TCF12: variants seen among roughly 807,000 people sequenced by gnomAD.
The protein encoded by TCF12 is DNA-binding protein HTF4.
In TCF12, 45 loss-of-function variants were observed where a neutral mutation model predicts 86.0. The ratio of observed to expected loss-of-function variants is 0.52; its 90% CI spans 0.41 to 0.67. TCF12 has a LOEUF of 0.67. TCF12 is among the 30% of genes least tolerant of loss of function. The pLI, the probability that TCF12 is intolerant of heterozygous loss-of-function variation, is 0.00. For missense variants in TCF12, 881 were observed against 859.9 expected (o/e 1.02, Z -0.31); for synonymous variants, 330 against 299.6 (o/e 1.10, Z -1.05).
At chr15:56,952,871 A>G (rs762984927) in intron 3 of TCF12, among the ~76,000 whole-genome samples, 6 of 152,090 alleles carry the variant, frequency 3.9e-5, no homozygotes, top group Non-Finnish European at 8.8e-5. Flanking sequence ...GCCTGATTGT[A>G]CTTTCCAGAA....
chr15:57,278,755 C>G (rs1426233127), intron 19 of TCF12: 1 of 125,920 alleles, frequency 7.9e-6, no homozygotes. Context: ...CTCCCTCTCT[C>G]TCCCTCTCTC....
At chr15:57,172,038 T>G (rs984835715) in intron 6 of TCF12, among the ~76,000 whole-genome samples, 3 of 152,202 alleles carry the variant, frequency 2.0e-5, no homozygotes, top group African/African-American at 7.2e-5. Flanking sequence ...AAATGACAGC[T>G]TTAAAAACTG....
intron 5 of TCF12, among the ~76,000 whole-genome samples, chr15:57,161,224 A>G (rs1159790627): frequency 3.9e-5 from 6 of 152,240 alleles, no homozygotes; most frequent in Non-Finnish European, 8.8e-5. Flanking sequence ...TTCTGTAAGC[A>G]TTGAAAGGTT....
intron 3 of TCF12, among the ~76,000 whole-genome samples, chr15:56,951,117 C>G (rs2061255161): frequency 6.6e-6 from 1 of 152,140 alleles, no homozygotes; most frequent in Admixed American, 6.6e-5. Context: ...ATATCTTCAA[C>G]TCACTAAGAA....
chr15:57,248,142 C>A (rs553584586), intron 13 of TCF12: 12 of 701,280 alleles, frequency 1.7e-5, no homozygotes, highest in Admixed American at 1.2e-4. Flanking sequence ...GGATCCTTTT[C>A]CAGAAGCCTC....
intron 8 of TCF12, among the ~76,000 whole-genome samples, chr15:57,199,577 G>T (rs1408597940): frequency 6.6e-6 from 1 of 152,180 alleles, no homozygotes; most frequent in Non-Finnish European, 1.5e-5. Flanking sequence ...TCTGGAAGGA[G>T]AGTAGACACT....
chr15:57,002,794 T>TATTTA (rs1413448946), intron 3 of TCF12, among the ~76,000 whole-genome samples: 2 of 152,236 alleles, frequency 1.3e-5, no homozygotes, highest in African/African-American at 2.4e-5. Context: ...ATGGCGCTTC[T>TATTTA]CATGCTGTAC....
chr15:57,035,110 C>A (rs981334267), intron 3 of TCF12, among the ~76,000 whole-genome samples: 8 of 152,076 alleles, frequency 5.3e-5, no homozygotes, highest in African/African-American at 1.9e-4. Flanking sequence ...TTTATTCTTA[C>A]AACCCCCCAA....
At chr15:57,068,382 G>A (rs1224256148) in intron 4 of TCF12, among the ~76,000 whole-genome samples, 2 of 152,250 alleles carry the variant, frequency 1.3e-5, no homozygotes, top group South Asian at 2.1e-4. Context: ...GGATACATTT[G>A]CAAATATGCT....
At chr15:57,091,057 A>G (rs901600785) in intron 4 of TCF12, among the ~76,000 whole-genome samples, 14 of 152,250 alleles carry the variant, frequency 9.2e-5, no homozygotes, top group Admixed American at 7.9e-4. Flanking sequence ...TGTGAAAAGT[A>G]ACATTAGCTT....
At chr15:57,164,932 C>T (rs1043825457) in intron 5 of TCF12, among the ~76,000 whole-genome samples, 12 of 152,296 alleles carry the variant, frequency 7.9e-5, no homozygotes, top group South Asian at 2.1e-4. Flanking sequence ...CCGCCCGCCT[C>T]GGCCTCCCAA....
chr15:57,282,372 G>A (rs2061730181), intron 19 of TCF12, 73 bp from the exon 20 acceptor site: 4 of 1,568,900 alleles, frequency 2.5e-6, no homozygotes, highest in East Asian at 4.5e-5. Context: ...CAAAACAACA[G>A]CAATTTGTTC....
chr15:57,262,275 C>G, intron 17 of TCF12, 67 bp downstream of exon 17: 1 of 1,129,490 alleles, frequency 8.9e-7, no homozygotes, highest in South Asian at 1.4e-5. Context: ...TGTCACCTTT[C>G]TCACAGCTGG....
intron 3 of TCF12, among the ~76,000 whole-genome samples, chr15:56,986,695 C>T (rs1188899839): frequency 2.0e-5 from 3 of 152,070 alleles, no homozygotes; most frequent in Non-Finnish European, 4.4e-5. Context: ...TCCTTATATA[C>T]ACAGTATCTT....
At chr15:57,217,317 A>G (rs1163430974) in intron 8 of TCF12, among the ~76,000 whole-genome samples, 1 of 152,166 alleles carries the variant, frequency 6.6e-6, no homozygotes. Flanking sequence ...TTTGGCTTTT[A>G]CAGTGAATTT....
chr15:57,223,583 T>C (rs574304531), intron 8 of TCF12, among the ~76,000 whole-genome samples: 1 of 147,342 alleles, frequency 6.8e-6, no homozygotes, highest in Non-Finnish European at 1.5e-5. Flanking sequence ...CCTCTTCTAA[T>C]AGAATTAATC....
chr15:57,256,103 T>A (rs1460074451), intron 16 of TCF12, among the ~76,000 whole-genome samples: 3 of 152,236 alleles, frequency 2.0e-5, no homozygotes, highest in Non-Finnish European at 4.4e-5. Flanking sequence ...GCTGACAAAA[T>A]CTGACACTGT....
intron 8 of TCF12, among the ~76,000 whole-genome samples, chr15:57,222,758 ATTTTTTTTTTTTTTTTTTTTTTT>A (rs57645813): frequency 1.1e-4 from 5 of 45,530 alleles, no homozygotes; most frequent in Non-Finnish European, 1.8e-4. Flanking sequence ...AAGGACTGCC[ATTTTTTTTTTTTTTTTTTTTTTT>A]TTTTTTTTTT....
chr15:57,114,651 G>A (rs919450562), intron 5 of TCF12, among the ~76,000 whole-genome samples: 3 of 152,108 alleles, frequency 2.0e-5, no homozygotes, highest in African/African-American at 7.2e-5. Context: ...AGCGGGACAG[G>A]TAGGGTGGAA....
Sources: allele counts gnomAD v4.1 joint callset (sites outside exome capture counted in the v4.1 genomes callset), GRCh38; gene constraint gnomAD v4.1.1; transcripts MANE v1.5; gene names NCBI Gene and HGNC (gene_info 2026-07-23, HGNC 2026-07-21).